The following TSPEAR variants were observed in gnomAD, a reference collection of about 807,000 sequenced individuals.
The protein encoded by TSPEAR is thrombospondin-type laminin G domain and EAR repeat-containing protein.
A neutral mutation model predicts 71.6 loss-of-function variants in TSPEAR; 69 were observed. The observed-to-expected ratio is 0.96, with a 90% confidence interval of 0.79 to 1.18. The LOEUF (loss-of-function observed/expected upper bound fraction) is 1.18. TSPEAR is among the 50% of genes most tolerant of loss of function. The probability of loss-of-function intolerance (pLI) is 0.00; values close to 1 mark genes in which losing one functional copy is unlikely to be tolerated. For synonymous variants in TSPEAR, 402 were observed against 387.2 expected, an observed-to-expected ratio of 1.04 and a Z score of -0.45; for missense variants, 971 against 894.9, an observed-to-expected ratio of 1.09 and a Z score of -1.09.
intron 11 of TSPEAR, among the ~76,000 whole-genome samples, chr21:44,501,175 C>T (rs782147529): frequency 4.9e-4 from 74 of 152,290 alleles, no homozygotes; most frequent in Middle Eastern, 6.8e-3. Flanking sequence ...TATGGCCGGG[C>T]GGGGTGGCTT....
intron 1 of TSPEAR, chr21:44,654,721 C>G (rs1226959909): frequency 1.8e-5 from 13 of 726,546 alleles, no homozygotes; most frequent in Middle Eastern, 4.0e-4. Flanking sequence ...AACAAGCCCC[C>G]TGGCATCTTC....
chr21:44,558,925 A>T (rs1360382040), intron 2 of TSPEAR, among the ~76,000 whole-genome samples: 6 of 151,992 alleles, frequency 3.9e-5, no homozygotes, highest in Non-Finnish European at 7.4e-5. Flanking sequence ...GTGTTGGTTC[A>T]TTGTTTGTGG....
rs782727146 is a variant in TSPEAR, at chr21:44,647,294, G to A, written c.82+64139C>T. The A allele has an allele frequency of 3.2e-5, 51 of 1,611,910 alleles. No homozygotes were observed. The highest frequency in any genetic ancestry group is 1.3e-4 in the East Asian group (6 of 44,808). ...GCCTCCTGCGTGTCCCTCCTCTGCC[G>A]CCCCGCAAGCTCCCGCCTGGCCTGC... On this transcript the variant is annotated intron_variant, in intron 1 of 11. Transcript: ENST00000323084.
intron 1 of TSPEAR, chr21:44,702,860 ACCTC>A: frequency 9.7e-6 from 8 of 824,368 alleles, no homozygotes; most frequent in Non-Finnish European, 1.6e-5. Flanking sequence ...CCCACTGCTG[ACCTC>A]TCAGCACACG....
At chr21:44,655,260 G>A (rs1985075703) in intron 1 of TSPEAR, among the ~76,000 whole-genome samples, 1 of 152,118 alleles carries the variant, frequency 6.6e-6, no homozygotes, top group African/African-American at 2.4e-5. Context: ...CAGAGGTGCA[G>A]GGATCTGGAC....
chr21:44,628,031 G>A, intron 1 of TSPEAR: 10 of 1,612,830 alleles, frequency 6.2e-6, no homozygotes, highest in Non-Finnish European at 8.5e-6. Flanking sequence ...TTCTCCTCAG[G>A]CCAGAAGTCC....
chr21:44,643,076 G>A (rs1984109098), intron 1 of TSPEAR, among the ~76,000 whole-genome samples: 1 of 152,196 alleles, frequency 6.6e-6, no homozygotes, highest in African/African-American at 2.4e-5. Context: ...ATACGATTCA[G>A]CCATAGAAAG....
Position 44,580,205 on chromosome 21 carries a change from G to C in TSPEAR, c.83-12200C>G, listed in dbSNP as rs373971735. 7.4e-6 allele frequency: 12 copies of C among 1,613,910 alleles called. No individual in the cohort carries two copies. Among genetic ancestry groups the C allele is most frequent in the Admixed American group, 3.3e-5 (2 of 59,996 alleles). On this transcript the variant is annotated intron_variant, in intron 1 of 11. Transcript: ENST00000323084. ...AGGCACACAGCAGGACTGCTGGCAG[G>C]AGGAAGAGGCACAGCAAGTTGGCTG...
chr21:44,575,158 T>G, intron 1 of TSPEAR: 1 of 896,014 alleles, frequency 1.1e-6, no homozygotes, highest in African/African-American at 1.7e-5. Flanking sequence ...GAACTGAAAG[T>G]CTATACTCAA....
At position 44,633,020 on chromosome 21, in the gene TSPEAR, A is replaced by G. The variant is rs77903891; in HGVS notation, c.83-65015T>C. 4.3e-3 allele frequency among the ~76,000 whole-genome samples: 656 copies of G among 152,104 alleles called. 4 individuals carry two copies. Among genetic ancestry groups the G allele is most frequent in the Non-Finnish European group, 6.2e-3 (419 of 68,002 alleles). On this transcript the variant is annotated intron_variant, in intron 1 of 11. Coordinates refer to ENST00000323084, the MANE Select transcript of TSPEAR (RefSeq NM_144991.3). Reference sequence around the variant, plus strand: ...TATTGATTTTATGTGTTAGTGTACAATTGTTCATATATTCTCTTATAGTCT... The same window carrying G: ...TATTGATTTTATGTGTTAGTGTACAGTTGTTCATATATTCTCTTATAGTCT...
At chr21:44,571,253 T>C (rs2053791223) in intron 1 of TSPEAR, among the ~76,000 whole-genome samples, 1 of 152,264 alleles carries the variant, frequency 6.6e-6, no homozygotes, top group South Asian at 2.1e-4. Flanking sequence ...TCTGGCTATG[T>C]TGCCCAGGCT....
At chr21:44,533,133 G>T (rs993380084) in intron 3 of TSPEAR, among the ~76,000 whole-genome samples, 1 of 152,228 alleles carries the variant, frequency 6.6e-6, no homozygotes, top group African/African-American at 2.4e-5. Context: ...TGTGCAGCGG[G>T]TTTTGTGTTT....
chr21:44,660,187 G>C (rs781826227), intron 1 of TSPEAR, among the ~76,000 whole-genome samples: 1 of 152,076 alleles, frequency 6.6e-6, no homozygotes, highest in African/African-American at 2.4e-5. Context: ...AGAAAGAGAG[G>C]GCAGGGCAGA....
chr21:44,515,969 GGGCA>G (rs1339419855), intron 9 of TSPEAR: 2 of 152,248 alleles, frequency 1.3e-5, no homozygotes, highest in Non-Finnish European at 2.9e-5. Context: ...CATCCCCATG[GGGCA>G]GGCACAGAGG....
chr21:44,509,386 T>A lies in TSPEAR; in HGVS notation c.1567A>T (p.Thr523Ser), dbSNP rs1555912339. 1.1e-5 allele frequency: 18 copies of A among 1,611,630 alleles called. No homozygotes were observed. In the South Asian group the frequency reaches 1.9e-4, roughly 17 times the overall value. The part of the protein sequence containing the change: ...GSFQLFQSFP[T>S]FGAADWEVFQ... ...ACCTCCCAGTCTGCAGCACCGAACG[T>A]CTAGGACCAAAGGAGAGCAGGTGCA... is the stretch of plus-strand genomic sequence containing the variant. The change falls in exon 10 of 12, where the codon ACG (threonine) becomes TCG (serine). Residue 523 changes from threonine to serine, a missense_variant and splice_region_variant. Transcript: ENST00000323084.
At chr21:44,696,648 A>AG (rs1987348517) in intron 1 of TSPEAR, among the ~76,000 whole-genome samples, 1 of 152,254 alleles carries the variant, frequency 6.6e-6, no homozygotes, top group South Asian at 2.1e-4. Flanking sequence ...ATATAAAACA[A>AG]GAAGAAAAAC....
intron 11 of TSPEAR, among the ~76,000 whole-genome samples, chr21:44,503,384 G>T (rs587598117): frequency 1.1e-4 from 14 of 128,312 alleles, no homozygotes; most frequent in African/African-American, 3.9e-4. Flanking sequence ...GTGAGCCCTC[G>T]GCGGGAAGCA....
rs1240468425 is a variant in TSPEAR, at chr21:44,561,875, TACTG to T, written c.303+5906_303+5909del. ...TATGATAAACCCATAGTCAATATCA[TACTG>T]AATGAGCAAAAGCTGAAAGCATTCC... On this transcript the variant is annotated intron_variant, in intron 2 of 11. Transcript: ENST00000323084. Among the ~76,000 whole-genome samples, 4 of 152,196 alleles carry T rather than the reference TACTG, an allele frequency of 2.6e-5. No individual in the cohort carries two copies. The South Asian group carries it at 8.3e-4, about 31-fold the overall frequency.
intron 1 of TSPEAR, among the ~76,000 whole-genome samples, chr21:44,685,425 T>C (rs1295837523): frequency 6.6e-6 from 1 of 151,850 alleles, no homozygotes; most frequent in Non-Finnish European, 1.5e-5. Context: ...CTCCTCACTT[T>C]CCCCCAAGCT....
Sources: gnomAD v4.1 joint callset for allele counts (sites outside exome capture counted in the v4.1 genomes callset) on GRCh38, gnomAD v4.1.1 for gene constraint, MANE v1.5 for transcripts, NCBI Gene and HGNC (gene_info 2026-07-23, HGNC 2026-07-21) for gene names.